KBTBD11: variants seen among roughly 807,000 people sequenced by gnomAD.
The protein encoded by KBTBD11 is kelch repeat and BTB domain-containing protein 11.
For synonymous variants in KBTBD11, 747 were observed against 499.0 expected (o/e 1.50, Z -6.63); for missense variants, 1,390 against 1,001.8 (o/e 1.39, Z -5.23).
In KBTBD11 at chr8:1,995,590, G is replaced by A. The variant is rs879576099; in HGVS notation, c.-908-4695G>A. 5.9e-5 allele frequency among the ~76,000 whole-genome samples: 9 copies of A among 152,238 alleles called. No individual in the cohort carries two copies. In the South Asian group the frequency reaches 6.2e-4, roughly 11 times the overall value. ...GGGCATCAGTGTCAGTGATGGCACCGACTCCCTTCTTGCTTCACCCACCCT... is the reference window on the plus strand; with the variant it reads ...GGGCATCAGTGTCAGTGATGGCACCAACTCCCTTCTTGCTTCACCCACCCT... On this transcript the variant is annotated intron_variant, in intron 1 of 1. Coordinates refer to ENST00000320248, the MANE Select transcript of KBTBD11 (RefSeq NM_014867.3).
intron 1 of KBTBD11, chr8:1,974,797 C>T: frequency 1.6e-6 from 1 of 629,306 alleles, no homozygotes; most frequent in Non-Finnish European, 2.0e-6. Flanking sequence ...CCTACAAAAC[C>T]ACGTTTCCCC....
rs1453947010 is a variant in KBTBD11 at position 2,003,683 on chromosome 8, T to G, written c.*619T>G. On this transcript the variant is annotated 3_prime_UTR_variant, in exon 2 of 2. Coordinates refer to ENST00000320248, the MANE Select transcript of KBTBD11 (RefSeq NM_014867.3). ...TTGTTCAATATGCATTGGAAGTATT[T>G]CCTTCCCCACACCATTGCTACTCAA... 5 of 167,110 alleles carry G rather than the reference T, an allele frequency of 3.0e-5. No individual in the cohort carries two copies. In the Admixed American group the frequency reaches 3.3e-4, roughly 11 times the overall value. 10.4% of individuals were successfully genotyped at this position (167,110 alleles called of 1,614,324 possible).
At chr8:1,974,457 C>A (rs1816251644) in intron 1 of KBTBD11, 3 of 983,468 alleles carry the variant, frequency 3.1e-6, no homozygotes, top group Admixed American at 6.2e-5. Context: ...TCGGCGGTCG[C>A]GGGGATCGGC....
At chr8:1,975,359 C>G (rs935899947) in intron 1 of KBTBD11, 3 of 152,238 alleles carry the variant, frequency 2.0e-5, no homozygotes, top group African/African-American at 7.2e-5. Context: ...ACGTTCGGAT[C>G]AATTACAGAC....
intron 1 of KBTBD11, among the ~76,000 whole-genome samples, chr8:1,996,100 C>G (rs185553768): frequency 1.3e-5 from 2 of 152,278 alleles, no homozygotes; most frequent in Non-Finnish European, 2.9e-5. Flanking sequence ...ACTTATGGCC[C>G]TTCTTTCTTA....
chr8:1,987,961 C>T (rs1382084485), intron 1 of KBTBD11, among the ~76,000 whole-genome samples: 1 of 152,112 alleles, frequency 6.6e-6, no homozygotes, highest in Non-Finnish European at 1.5e-5. Flanking sequence ...CAGTTCCCAC[C>T]TTTGAGTGAG....
chr8:2,001,498 G>C lies in KBTBD11; in HGVS notation c.306G>C (p.Glu102Asp), dbSNP rs1817353754. 7.2e-7 allele frequency: 1 copy of C among 1,389,558 alleles called. No homozygotes were observed. The highest frequency in any genetic ancestry group is 1.6e-5 in the South Asian group (1 of 63,080). The allele number at this position is 1,389,558 out of a possible 1,614,324, so 86.1% of individuals were successfully genotyped here. ...CTGAGGAGCGCGCGTGCCCGGAAGAGCCCGCGGCGCCGTCCCCCGAACCGC... is the reference window on the plus strand; with the variant it reads ...CTGAGGAGCGCGCGTGCCCGGAAGACCCCGCGGCGCCGTCCCCCGAACCGC... ...ASPEERACPE[E>D]PAAPSPEPRV... The change falls in exon 2 of 2, where the codon GAG becomes GAC. Residue 102 changes from glutamate to aspartate, a missense_variant. By Grantham distance (45) the Glu-to-Asp change is conservative (BLOSUM62 2). Transcript: ENST00000320248.
chr8:1,986,311 A>G (rs1310310207), intron 1 of KBTBD11, among the ~76,000 whole-genome samples: 1 of 152,242 alleles, frequency 6.6e-6, no homozygotes, highest in Non-Finnish European at 1.5e-5. Context: ...CAGGTGCAGT[A>G]GAATTGGGAC....
intron 1 of KBTBD11, among the ~76,000 whole-genome samples, chr8:1,997,567 G>A (rs899506482): frequency 4.6e-5 from 7 of 152,244 alleles, no homozygotes; most frequent in South Asian, 2.1e-4. Context: ...ACCATCTCCC[G>A]GAAGGGCTGC....
At chr8:1,982,432 C>T (rs1816568262) in intron 1 of KBTBD11, among the ~76,000 whole-genome samples, 1 of 152,134 alleles carries the variant, frequency 6.6e-6, no homozygotes, top group Non-Finnish European at 1.5e-5. Flanking sequence ...TAAATGCATT[C>T]AGTTCTCCAA....
At chr8:1,979,774 C>T (rs1047534825) in intron 1 of KBTBD11, among the ~76,000 whole-genome samples, 14 of 152,236 alleles carry the variant, frequency 9.2e-5, no homozygotes, top group Admixed American at 6.5e-5. Flanking sequence ...GGGTGTGTGG[C>T]CCACGCGGTC....
At position 2,004,747 on chromosome 8, in the gene KBTBD11, A is replaced by G. The variant is rs1817520276; in HGVS notation, c.*1683A>G. Reference sequence around the variant, plus strand: ...ACTTGGTTAATCATCTTGGGAAAGAAAAACAGACTTCATATCGCCTGACTT... The same window carrying G: ...ACTTGGTTAATCATCTTGGGAAAGAGAAACAGACTTCATATCGCCTGACTT... On this transcript the variant is annotated 3_prime_UTR_variant, in exon 2 of 2. Transcript: ENST00000320248. 6.0e-6 allele frequency: 1 copy of G among 167,108 alleles called. No homozygotes were observed. Among genetic ancestry groups the G allele is most frequent in the African/African-American group, 2.4e-5 (1 of 41,462 alleles). 10.4% of individuals were successfully genotyped at this position (167,108 alleles called of 1,614,324 possible).
chr8:1,984,631 G>C (rs1206970225), intron 1 of KBTBD11, among the ~76,000 whole-genome samples: 1 of 149,548 alleles, frequency 6.7e-6, no homozygotes, highest in African/African-American at 2.6e-5. Context: ...AGTCACACAT[G>C]AACAGCTAGG....
At chr8:1,974,252 C>A (rs1275686989) in intron 1 of KBTBD11, 3 of 969,510 alleles carry the variant, frequency 3.1e-6, no homozygotes, top group South Asian at 9.5e-5. Context: ...GGCCTCCTCG[C>A]GGGGTCTCCA....
At chr8:1,974,881 G>C (rs1319266866) in intron 1 of KBTBD11, 6 of 207,010 alleles carry the variant, frequency 2.9e-5, no homozygotes, top group Non-Finnish European at 4.2e-5. Context: ...ATTCTACTCA[G>C]CCCACGAAAG....
intron 1 of KBTBD11, among the ~76,000 whole-genome samples, chr8:1,995,272 A>G (rs1352279472): frequency 5.3e-5 from 8 of 152,000 alleles, no homozygotes; most frequent in Non-Finnish European, 1.2e-4. Flanking sequence ...TCCATGTAGT[A>G]TCTCGTTGCT....
intron 1 of KBTBD11, among the ~76,000 whole-genome samples, chr8:1,997,695 G>A (rs925480971): frequency 2.0e-5 from 3 of 152,258 alleles, no homozygotes; most frequent in Admixed American, 6.5e-5. Flanking sequence ...TGATGGTGGT[G>A]GACAGGGAGC....
intron 1 of KBTBD11, among the ~76,000 whole-genome samples, chr8:1,991,304 G>A (rs1205965270): frequency 6.6e-6 from 1 of 152,232 alleles, no homozygotes. Context: ...TGGTGAAGTA[G>A]GCGTTTGCTT....
chr8:2,000,142 C>G (rs186723121), intron 1 of KBTBD11, 143 bp from the exon 2 acceptor site: 89 of 152,312 alleles, frequency 5.8e-4, no homozygotes, highest in African/African-American at 1.7e-3. Context: ...AACTCTCCAG[C>G]AGAGAAAAAT....
Sources: gnomAD v4.1 joint callset for allele counts (sites outside exome capture counted in the v4.1 genomes callset) on GRCh38, gnomAD v4.1.1 for gene constraint, MANE v1.5 for transcripts, NCBI Gene and HGNC (gene_info 2026-07-23, HGNC 2026-07-21) for gene names.